CDYL: variants seen among roughly 807,000 people sequenced by gnomAD.
CDYL encodes chromodomain Y-like protein.
CDYL carries 8 observed loss-of-function variants against 47.3 expected under a neutral mutation model. That is an observed-to-expected ratio of 0.17 (90% CI 0.10 to 0.31). The LOEUF (loss-of-function observed/expected upper bound fraction) is 0.31, where lower values mean the gene tolerates loss of function less well. CDYL is among the 10% of genes least tolerant of loss of function. The pLI is 1.00. For synonymous variants in CDYL, 266 were observed against 265.0 expected (o/e 1.00, Z -0.04); for missense variants, 471 against 701.4 (o/e 0.67, Z 3.71).
chr6:4,713,317 T>C (rs1032561642), intron 1 of CDYL, among the ~76,000 whole-genome samples: 1 of 151,836 alleles, frequency 6.6e-6, no homozygotes, highest in Non-Finnish European at 1.5e-5. Flanking sequence ...TCAATAGGAG[T>C]GGCGGGAGGA....
chr6:4,904,943 A>G (rs982022790), intron 2 of CDYL, among the ~76,000 whole-genome samples: 1 of 152,108 alleles, frequency 6.6e-6, no homozygotes, highest in Non-Finnish European at 1.5e-5. Flanking sequence ...GAGGTGTTTA[A>G]TCACAAGAAC....
At chr6:4,830,107 A>C (rs577352487) in intron 1 of CDYL, among the ~76,000 whole-genome samples, 1 of 152,316 alleles carries the variant, frequency 6.6e-6, no homozygotes, top group Admixed American at 6.5e-5. Flanking sequence ...TGTACATCTG[A>C]ATGGTTGTGG....
intron 2 of CDYL, among the ~76,000 whole-genome samples, chr6:4,914,810 G>A (rs990050906): frequency 1.3e-5 from 2 of 152,234 alleles, no homozygotes; most frequent in African/African-American, 4.8e-5. Context: ...AGGTGTTTCA[G>A]TACAGCAGTA....
At chr6:4,879,813 G>T (rs1761716013) in intron 1 of CDYL, among the ~76,000 whole-genome samples, 1 of 152,106 alleles carries the variant, frequency 6.6e-6, no homozygotes, top group East Asian at 1.9e-4. Flanking sequence ...GCCCGCCTCG[G>T]CCTCCGAAAG....
chr6:4,802,803 G>T (rs1759261711), intron 1 of CDYL, among the ~76,000 whole-genome samples: 1 of 73,302 alleles, frequency 1.4e-5, no homozygotes, highest in Admixed American at 2.1e-4. Flanking sequence ...CTTTTTATTT[G>T]AAATTAGGTT....
chr6:4,928,115 A>G (rs990937875), intron 2 of CDYL, among the ~76,000 whole-genome samples: 1 of 152,234 alleles, frequency 6.6e-6, no homozygotes, highest in Non-Finnish European at 1.5e-5. Context: ...TCTTTTCAAA[A>G]AAATTTTAGC....
chr6:4,791,755 C>T (rs759628606), intron 1 of CDYL, among the ~76,000 whole-genome samples: 9 of 151,326 alleles, frequency 5.9e-5, no homozygotes, highest in Non-Finnish European at 1.0e-4. Flanking sequence ...CTAACTACTA[C>T]GAACCACAGA....
At chr6:4,803,096 C>T (rs1039840134) in intron 1 of CDYL, among the ~76,000 whole-genome samples, 1 of 152,190 alleles carries the variant, frequency 6.6e-6, no homozygotes, top group South Asian at 2.1e-4. Flanking sequence ...AGCCCTTCAG[C>T]CTTAGACTGC....
chr6:4,869,908 CCGTT>C (rs1231046738), intron 1 of CDYL, among the ~76,000 whole-genome samples: 55 of 152,338 alleles, frequency 3.6e-4, no homozygotes, highest in African/African-American at 1.3e-3. Flanking sequence ...CAGTGCTTTA[CCGTT>C]CTTCCCATGG....
intron 1 of CDYL, among the ~76,000 whole-genome samples, chr6:4,712,143 G>T (rs916404524): frequency 6.6e-6 from 1 of 152,044 alleles, no homozygotes; most frequent in Non-Finnish European, 1.5e-5. Flanking sequence ...TGAGGGAAAA[G>T]CAACCTTTAT....
chr6:4,756,573 C>CGTGTGTCTGTGTGTGTGTGTGTGTGTGT (rs1228739911), intron 3 of CDYL, among the ~76,000 whole-genome samples: 1 of 125,236 alleles, frequency 8.0e-6, no homozygotes, highest in African/African-American at 4.0e-5. Flanking sequence ...TTAAAATTAT[C>CGTGTGTCTGTGTGTGTGTGTGTGTGTGT]GTGTGTATGT....
Position 4,726,590 on chromosome 6 carries a change from A to G in CDYL, c.104-8172A>G, listed in dbSNP as rs891169524. ...CTGGCACACACCTGTGGTCCCACCT[A>G]TTTGGGAGGCTGAGGCGAGAGGATT... is the stretch of plus-strand genomic sequence containing the variant. On this transcript the variant is annotated intron_variant, in intron 2 of 8. Coordinates refer to the CDYL transcript ENST00000328908. Among the ~76,000 whole-genome samples, 18 of 150,876 alleles carry G rather than the reference A, an allele frequency of 1.2e-4. 1 individual carries two copies. Among genetic ancestry groups the G allele is most frequent in the Non-Finnish European group, 2.1e-4 (14 of 67,838 alleles).
At chr6:4,731,775 C>T (rs1327656157) in intron 2 of CDYL, among the ~76,000 whole-genome samples, 6 of 151,570 alleles carry the variant, frequency 4.0e-5, no homozygotes, top group Admixed American at 2.6e-4. Flanking sequence ...GAGCCAACAT[C>T]GCACCACTGC....
chr6:4,866,975 T>G (rs373536908), intron 1 of CDYL, among the ~76,000 whole-genome samples: 1 of 151,972 alleles, frequency 6.6e-6, no homozygotes, highest in South Asian at 2.1e-4. Flanking sequence ...CAAGCTATCA[T>G]GAAAAGCTTC....
chr6:4,870,636 T>G (rs1031631444), intron 1 of CDYL, among the ~76,000 whole-genome samples: 1 of 152,170 alleles, frequency 6.6e-6, no homozygotes, highest in Non-Finnish European at 1.5e-5. Context: ...GGTATTCCCA[T>G]TACATGTATG....
chr6:4,707,740 A>AT (rs967837205), intron 1 of CDYL, among the ~76,000 whole-genome samples: 4 of 152,048 alleles, frequency 2.6e-5, no homozygotes, highest in East Asian at 1.9e-4. Context: ...TTATTTTCTG[A>AT]TTTTTTTATA....
intron 2 of CDYL, among the ~76,000 whole-genome samples, chr6:4,909,311 G>T (rs748065520): frequency 2.6e-5 from 4 of 152,132 alleles, no homozygotes; most frequent in Non-Finnish European, 5.9e-5. Flanking sequence ...CAGGCTTTCC[G>T]GCGTCCGTAA....
upstream of CDYL, among the ~76,000 whole-genome samples, chr6:4,771,980 A>G (rs1188645638): frequency 6.6e-6 from 1 of 152,244 alleles, no homozygotes; most frequent in Non-Finnish European, 1.5e-5. Context: ...TTATCAATGA[A>G]AAACTTCCTT....
intron 1 of CDYL, among the ~76,000 whole-genome samples, chr6:4,713,664 T>C (rs1053911258): frequency 6.6e-6 from 1 of 151,308 alleles, no homozygotes; most frequent in East Asian, 1.9e-4. Flanking sequence ...CTCAGCTCAC[T>C]GCAGCCTCTG....
Sources: allele counts gnomAD v4.1 joint callset (sites outside exome capture counted in the v4.1 genomes callset), GRCh38; gene constraint gnomAD v4.1.1; transcripts MANE v1.5; gene names NCBI Gene and HGNC (gene_info 2026-07-23, HGNC 2026-07-21).